Variants in PCDHGB6 observed in about 807,000 individuals in gnomAD.
PCDHGB6 encodes protocadherin gamma subfamily B, 6.
PCDHGB6 carries 51 observed loss-of-function variants against 59.1 expected under a neutral mutation model. The observed-to-expected ratio is 0.86, with a 90% confidence interval of 0.69 to 1.09. The LOEUF (loss-of-function observed/expected upper bound fraction) is 1.09. PCDHGB6 is among the 50% of genes least tolerant of loss of function. The pLI, the probability that PCDHGB6 is intolerant of heterozygous loss-of-function variation, is 0.00. For synonymous variants in PCDHGB6, 466 were observed against 495.1 expected, an observed-to-expected ratio of 0.94 and a Z score of 0.78; for missense variants, 1,148 against 1,205.1, an observed-to-expected ratio of 0.95 and a Z score of 0.70.
Position 141,485,752 on chromosome 5 carries a change from G to A in PCDHGB6, c.2419-9055G>A. 1 of 1,614,232 alleles carries A rather than the reference G, an allele frequency of 6.2e-7. No individual in the cohort carries two copies. Among genetic ancestry groups the A allele is most frequent in the Middle Eastern group, 1.6e-4 (1 of 6,062 alleles). ...GCAGCGACGGCAGCCTGGTCCCAGA[G>A]CTGCTCCTGGAGAAGCCTTTGGATC... On this transcript the variant is annotated intron_variant, in intron 1 of 3. Coordinates refer to ENST00000520790, the MANE Select transcript of PCDHGB6 (RefSeq NM_018926.3). This position sits in a 1 kb window ranked among gnomAD's most constrained non-coding sequence, Gnocchi z 5.7.
chr5:141,474,563 A>G lies in PCDHGB6; in HGVS notation c.2419-20244A>G, dbSNP rs143794984. 1.4e-3 allele frequency among the ~76,000 whole-genome samples: 210 copies of G among 152,332 alleles called. 2 individuals are homozygous for G. The highest frequency in any genetic ancestry group is 5.0e-3 in the African/African-American group (207 of 41,572). ...TGAGCATTTAAAACTGGGGGTTTTC[A>G]GAGATTAATTGAAGTGTTAAAGACA... On this transcript the variant is annotated intron_variant, in intron 1 of 3. Coordinates refer to ENST00000520790, the MANE Select transcript of PCDHGB6 (RefSeq NM_018926.3).
chr5:141,473,756 A>G (rs2099328139), intron 1 of PCDHGB6, among the ~76,000 whole-genome samples: 1 of 152,228 alleles, frequency 6.6e-6, no homozygotes, highest in African/African-American at 2.4e-5. Context: ...CTTGGATACT[A>G]TGCAAAGGAT....
In PCDHGB6 at chr5:141,476,886, C is replaced by T; in HGVS notation, c.2419-17921C>T. ...TACCGGGCGCGCGTCCTGGAGGATG[C>T]ACCCTCCGGCACGCGCGTGGTACAA... On this transcript the variant is annotated intron_variant, in intron 1 of 3. Transcript: ENST00000520790. This position sits in a 1 kb window ranked among gnomAD's most constrained non-coding sequence, Gnocchi z 7.6. The T allele has an allele frequency of 9.9e-6, 16 of 1,613,924 alleles. No individual in the cohort carries two copies. Among genetic ancestry groups the T allele is most frequent in the Non-Finnish European group, 1.4e-5 (16 of 1,180,032 alleles).
chr5:141,429,510 T>A (rs2097220128), intron 1 of PCDHGB6, among the ~76,000 whole-genome samples: 1 of 152,124 alleles, frequency 6.6e-6, no homozygotes, highest in African/African-American at 2.4e-5. Context: ...AAACTGTGCC[T>A]GGCAGAGAAA....
intron 1 of PCDHGB6, chr5:141,430,769 G>T: frequency 6.6e-7 from 1 of 1,508,212 alleles, no homozygotes; most frequent in Non-Finnish European, 8.9e-7. Context: ...AATGATTCCT[G>T]CGCGACTGCA....
Position 141,485,096 on chromosome 5 carries a change from CCAG to C in PCDHGB6, c.2419-9709_2419-9707del. The C allele has an allele frequency of 8.9e-7, 1 of 1,125,684 alleles. No homozygotes were observed. The highest frequency in any genetic ancestry group is 1.3e-6 in the Non-Finnish European group (1 of 759,466). 69.7% of individuals were successfully genotyped at this position (1,125,684 alleles called of 1,614,324 possible). A position where few individuals can be genotyped will look rare whatever the true frequency, so the allele number is the denominator to read the frequency against. ...CGCGGGGAAAGGGAGATAGGTGTCTCCAGCTGCTGTGGCTGTTTGGGGCGGGTC... is the reference window on the plus strand; with the variant it reads ...CGCGGGGAAAGGGAGATAGGTGTCTCCTGCTGTGGCTGTTTGGGGCGGGTC... On this transcript the variant is annotated intron_variant, in intron 1 of 3. Transcript: ENST00000520790. The surrounding 1 kb of genome is among the most constrained non-coding windows in gnomAD (Gnocchi z 5.7).
At chr5:141,478,683 C>G (rs1355955377) in intron 1 of PCDHGB6, 14 of 1,551,164 alleles carry the variant, frequency 9.0e-6, no homozygotes, top group African/African-American at 1.4e-5. Flanking sequence ...CTGGCCCTTC[C>G]TAGATCAAAG....
At chr5:141,471,965 G>A (rs919560714) in intron 1 of PCDHGB6, among the ~76,000 whole-genome samples, 4 of 152,160 alleles carry the variant, frequency 2.6e-5, no homozygotes, top group Non-Finnish European at 4.4e-5. Context: ...GGGGTTGGTT[G>A]CATTACTGTA....
intron 1 of PCDHGB6, among the ~76,000 whole-genome samples, chr5:141,460,577 TGTG>T (rs2098992364): frequency 6.6e-6 from 1 of 152,094 alleles, no homozygotes; most frequent in African/African-American, 2.4e-5. Context: ...CATATGTAGG[TGTG>T]GGTTTTTTCT....
rs1270447529 is a variant in PCDHGB6 at position 141,490,526 on chromosome 5, C to A, written c.2419-4281C>A. 3 of 1,614,116 alleles carry A rather than the reference C, an allele frequency of 1.9e-6. No homozygotes were observed. Among genetic ancestry groups the A allele is most frequent in the Non-Finnish European group, 2.5e-6 (3 of 1,180,008 alleles). On this transcript the variant is annotated intron_variant, in intron 1 of 3. Transcript: ENST00000520790. This position sits in a 1 kb window ranked among gnomAD's most constrained non-coding sequence, Gnocchi z 5.4. ...ATCATCGAGCTGCTGGCCAGCGATG[C>A]TGGTTCACCTTCCCTACACAAACAT...
rs1368226100 is a variant in PCDHGB6, at chr5:141,511,268, C to T, written c.*95C>T. The stretch of plus-strand genomic sequence containing the variant: ...CAGGCCTCAGAGTTTCAGGGCTAAC[C>T]CCCAGAATACTGGTAGGGGCCAAGG... On this transcript the variant is annotated 3_prime_UTR_variant, in exon 4 of 4. Coordinates refer to ENST00000520790, the MANE Select transcript of PCDHGB6 (RefSeq NM_018926.3). 1.9e-6 allele frequency: 3 copies of T among 1,546,408 alleles called. No individual in the cohort carries two copies. The highest frequency in any genetic ancestry group is 2.4e-5 in the East Asian group (1 of 41,246).
At chr5:141,446,129 A>C (rs1488078150) in intron 1 of PCDHGB6, among the ~76,000 whole-genome samples, 1 of 152,204 alleles carries the variant, frequency 6.6e-6, no homozygotes, top group Non-Finnish European at 1.5e-5. Flanking sequence ...GTTCAATAAG[A>C]CTTAATAATG....
At position 141,476,001 on chromosome 5, in the gene PCDHGB6, C is replaced by G; in HGVS notation, c.2419-18806C>G. The G allele has an allele frequency of 8.1e-7, 1 of 1,235,348 alleles. No homozygotes were observed. Among genetic ancestry groups the G allele is most frequent in the Non-Finnish European group, 1.1e-6 (1 of 894,008 alleles). 76.5% of individuals were successfully genotyped at this position (1,235,348 alleles called of 1,614,324 possible). On this transcript the variant is annotated intron_variant, in intron 1 of 3. Transcript: ENST00000520790. The surrounding 1 kb of genome is among the most constrained non-coding windows in gnomAD (Gnocchi z 7.6). ...CAGCCGGCGAGCAAATCAACGGCATCCAGAAAGCCATGTCGGACTCGGCGC... is the reference window on the plus strand; with the variant it reads ...CAGCCGGCGAGCAAATCAACGGCATGCAGAAAGCCATGTCGGACTCGGCGC...
chr5:141,415,603 T>C, intron 1 of PCDHGB6: 6 of 1,613,954 alleles, frequency 3.7e-6, no homozygotes, highest in Non-Finnish European at 5.1e-6. Flanking sequence ...GGATACCCCA[T>C]TGGTTCCAGT....
At position 141,414,719 on chromosome 5, in the gene PCDHGB6, C is replaced by T. The variant is rs1361757630; in HGVS notation, c.2418+4099C>T. On this transcript the variant is annotated intron_variant, in intron 1 of 3. Transcript: ENST00000520790. ...TCATACATATCCATCAACTCAGACA[C>T]TGGCGTCCTGTATGCACTCAGATCC... The T allele has an allele frequency of 1.2e-6, 2 of 1,614,050 alleles. No individual in the cohort carries two copies. Among genetic ancestry groups the T allele is most frequent in the African/African-American group, 1.3e-5 (1 of 74,934 alleles).
chr5:141,469,552 C>G (rs956606902), intron 1 of PCDHGB6, among the ~76,000 whole-genome samples: 1 of 151,910 alleles, frequency 6.6e-6, no homozygotes, highest in African/African-American at 2.4e-5. Context: ...TCCAGCCTGG[C>G]GACAGAGTGA....
intron 1 of PCDHGB6, chr5:141,428,594 G>T (rs1317075888): frequency 4.4e-6 from 1 of 227,916 alleles, no homozygotes; most frequent in Admixed American, 5.2e-5. Context: ...CTGGTAGCAA[G>T]CTTCACTGAA....
rs554119295 is a variant in PCDHGB6 at position 141,482,963 on chromosome 5, C to T, written c.2419-11844C>T. 1.7e-4 allele frequency among the ~76,000 whole-genome samples: 10 copies of T among 57,958 alleles called. No homozygotes were observed. In the South Asian group the frequency reaches 4.5e-3, roughly 26 times the overall value. 38.0% of individuals were successfully genotyped at this position (57,958 alleles called of 152,430 possible). On this transcript the variant is annotated intron_variant, in intron 1 of 3. Coordinates refer to ENST00000520790, the MANE Select transcript of PCDHGB6 (RefSeq NM_018926.3). The stretch of plus-strand genomic sequence containing the variant: ...TTGTGGGTGCCTGTAATTCCAGCTA[C>T]TTGAGCAGCTACTTGAGAGGTCGAG...
rs11410533 is a variant in PCDHGB6, at chr5:141,429,387, TA to T, written c.2418+18775del. ...AAATGGAGAAAATGTGTTTTTTTTT[TA>T]AAAAAAATTGAGATTAAGGTCTCAT... On this transcript the variant is annotated intron_variant, in intron 1 of 3. Transcript: ENST00000520790. Among the ~76,000 whole-genome samples, 10 of 151,446 alleles carry T rather than the reference TA, an allele frequency of 6.6e-5. No individual in the cohort carries two copies. In the South Asian group the frequency reaches 1.0e-3, roughly 16 times the overall value.
Sources: allele counts gnomAD v4.1 joint callset (sites outside exome capture counted in the v4.1 genomes callset), GRCh38; gene constraint gnomAD v4.1.1; non-coding constraint Gnocchi (gnomAD v3.1); transcripts MANE v1.5; gene names NCBI Gene and HGNC (gene_info 2026-07-23, HGNC 2026-07-21).